BLZF1: variants seen among roughly 807,000 people sequenced by gnomAD.
BLZF1 encodes basic leucine zipper nuclear factor 1.
BLZF1 carries 39 observed loss-of-function variants against 43.8 expected under a neutral mutation model. That is an observed-to-expected ratio of 0.89 (90% CI 0.69 to 1.16). The LOEUF is 1.16. BLZF1 is among the 50% of genes most tolerant of loss of function. BLZF1 has a pLI of 0.00. For synonymous variants in BLZF1, 136 were observed against 159.4 expected (o/e 0.85, Z 1.11); for missense variants, 449 against 469.8 (o/e 0.96, Z 0.41).
chr1:169,368,554 C>G (rs1653984893), intron 1 of BLZF1, among the ~76,000 whole-genome samples: 1 of 152,202 alleles, frequency 6.6e-6, no homozygotes, highest in East Asian at 1.9e-4. Context: ...CTGCTCACTC[C>G]CCCTACTTAC....
chr1:169,369,629 A>C, intron 2 of BLZF1, 79 bp downstream of exon 2: 2 of 1,052,776 alleles, frequency 1.9e-6, no homozygotes, highest in Non-Finnish European at 2.9e-6. Context: ...AGATAACTAG[A>C]TCTCATGGAC....
Position 169,388,052 on chromosome 1 carries a change from TA to T in BLZF1, c.*871del. 6.6e-6 allele frequency: 1 copy of T among 152,256 alleles called. No individual in the cohort carries two copies. Among genetic ancestry groups the T allele is most frequent in the Non-Finnish European group, 1.5e-5 (1 of 68,020 alleles). The allele number at this position is 152,256 out of a possible 1,614,324, so 9.4% of individuals were successfully genotyped here. ...AGAAAAAATGCAACCTGTCAATTAA[TA>T]TATACTATGTAATATATATTATTGT... On this transcript the variant is annotated 3_prime_UTR_variant, in exon 7 of 7. Transcript: ENST00000367808.
intron 2 of BLZF1, 68 bp downstream of exon 2, chr1:169,369,618 C>T: frequency 8.0e-7 from 1 of 1,242,496 alleles, no homozygotes; most frequent in Non-Finnish European, 1.2e-6. Flanking sequence ...ACGTTTGAGC[C>T]AGATAACTAG....
rs1654283373 is a variant in BLZF1 at position 169,375,418 on chromosome 1, A to ATG, written c.29-1121_29-1120insGT. The stretch of plus-strand genomic sequence containing the variant: ...CATATATATATATATATATATATAT[A>ATG]TATATATATATATGGTCTGGCTGGA... On this transcript the variant is annotated intron_variant, in intron 2 of 6. Transcript: ENST00000367808. 6.2e-5 allele frequency among the ~76,000 whole-genome samples: 7 copies of ATG among 112,112 alleles called. No individual in the cohort carries two copies. In the South Asian group the frequency reaches 1.8e-3, roughly 29 times the overall value. The allele number at this position is 112,112 out of a possible 152,430, so 73.5% of individuals were successfully genotyped here.
downstream of BLZF1, among the ~76,000 whole-genome samples, chr1:169,389,309 AC>A (rs1259701649): frequency 3.3e-5 from 5 of 152,072 alleles, no homozygotes; most frequent in Non-Finnish European, 7.4e-5. Context: ...AAAAACAAAA[AC>A]AAAAAAAATT....
chr1:169,376,244 G>A (rs542843404), intron 2 of BLZF1, among the ~76,000 whole-genome samples: 5 of 151,998 alleles, frequency 3.3e-5, no homozygotes, highest in African/African-American at 9.6e-5. Context: ...TATGATCTCC[G>A]TTTTGCAAAT....
chr1:169,377,677 G>C (rs1323083516), intron 3 of BLZF1, among the ~76,000 whole-genome samples: 2 of 151,930 alleles, frequency 1.3e-5, no homozygotes, highest in Non-Finnish European at 2.9e-5. Context: ...ATTTCATCCA[G>C]CTATACGTGC....
At chr1:169,390,781 A>G (rs927654187), downstream of BLZF1, among the ~76,000 whole-genome samples, 3 of 152,182 alleles carry the variant, frequency 2.0e-5, no homozygotes, top group Non-Finnish European at 4.4e-5. Flanking sequence ...TTCTGTTGCA[A>G]TAGCTATTAA....
At chr1:169,382,414 G>A (rs2102016977) in intron 6 of BLZF1, 133 bp downstream of exon 6, 1 of 714,884 alleles carries the variant, frequency 1.4e-6, no homozygotes, top group East Asian at 2.7e-5. Flanking sequence ...TATTGAGTGT[G>A]TTATCTTGGA....
chr1:169,383,429 T>C (rs1054756781), intron 6 of BLZF1, among the ~76,000 whole-genome samples: 7 of 152,160 alleles, frequency 4.6e-5, no homozygotes, highest in African/African-American at 7.2e-5. Flanking sequence ...AAGAAAAATC[T>C]TCCCTCTATT....
intron 3 of BLZF1, 104 bp downstream of exon 3, chr1:169,377,083 C>G: frequency 1.1e-6 from 1 of 942,020 alleles, no homozygotes; most frequent in Non-Finnish European, 1.6e-6. Flanking sequence ...TGTCATTCAT[C>G]CTAGCTTGTC....
intron 4 of BLZF1, 47 bp from the exon 5 acceptor site, chr1:169,380,434 T>C: frequency 6.5e-7 from 1 of 1,537,036 alleles, no homozygotes; most frequent in Non-Finnish European, 8.9e-7. Context: ...TTTTTTACAC[T>C]GTATTATTGT....
chr1:169,372,836 G>T (rs550350493), intron 2 of BLZF1, among the ~76,000 whole-genome samples: 1 of 151,928 alleles, frequency 6.6e-6, no homozygotes, highest in South Asian at 2.1e-4. Flanking sequence ...TAGAGCAAGG[G>T]TTGGCAAATT....
intron 2 of BLZF1, among the ~76,000 whole-genome samples, chr1:169,376,207 C>T (rs775183208): frequency 6.6e-6 from 1 of 152,100 alleles, no homozygotes; most frequent in East Asian, 1.9e-4. Flanking sequence ...TACATTTTTT[C>T]TTACCAAAAT....
chr1:169,393,988 C>A (rs1190760069), intron 7 of BLZF1, among the ~76,000 whole-genome samples: 10 of 152,186 alleles, frequency 6.6e-5, no homozygotes, highest in Admixed American at 5.2e-4. Flanking sequence ...TGTCCTTCAC[C>A]CCTTACATGC....
intron 7 of BLZF1, chr1:169,395,228 G>A: frequency 6.3e-7 from 1 of 1,598,800 alleles, no homozygotes. Context: ...GGCATGATCA[G>A]ATTTGGTGAG....
rs1404179784 is a variant in BLZF1 at position 169,382,256 on chromosome 1, C to T, written c.992C>T (p.Thr331Ile). 6.2e-7 allele frequency: 1 copy of T among 1,613,520 alleles called. No individual in the cohort carries two copies. The highest frequency in any genetic ancestry group is 8.5e-7 in the Non-Finnish European group (1 of 1,179,596). The change falls in exon 6 of 7, where the codon ACC becomes ATC. Residue 331 changes from threonine to isoleucine, a missense_variant. Thr to Ile is a moderately conservative substitution (Grantham distance 89). Coordinates refer to ENST00000367808, the MANE Select transcript of BLZF1 (RefSeq NM_001320973.2). ...CCATCAACAGTTGAATTCTGCAGCA[C>T]CCCAGCTGAGAAAATGGCTGAAACG... ...KIPSTVEFCS[T>I]PAEKMAETVL...
chr1:169,380,589 A>T lies in BLZF1; in HGVS notation c.777A>T (p.Gln259His), dbSNP rs1417594799. 6.2e-7 allele frequency: 1 copy of T among 1,612,696 alleles called. No individual in the cohort carries two copies. The highest frequency in any genetic ancestry group is 1.7e-5 in the Admixed American group (1 of 59,952). Residue 259 changes from glutamine (Q) to histidine (H), a missense_variant, in exon 5 of 7, where the codon CAA becomes CAT. Gln to His is a conservative substitution (Grantham distance 24, BLOSUM62 0). Coordinates refer to ENST00000367808, the MANE Select transcript of BLZF1 (RefSeq NM_001320973.2). Reference protein sequence around the residue: ...DLLSEREQFRQEMIATQKLLE... With the variant: ...DLLSEREQFRHEMIATQKLLE... ...TAAGTGAACGGGAACAGTTTCGTCA[A>T]GAAATGATAGCTACCCAGAAGTATG... is the stretch of plus-strand genomic sequence containing the variant.
At chr1:169,395,001 C>A in intron 7 of BLZF1, 2 of 1,513,460 alleles carry the variant, frequency 1.3e-6, no homozygotes, top group Non-Finnish European at 1.8e-6. Context: ...AAATCATATC[C>A]AAAATTTTGA....
Sources: gnomAD v4.1 joint callset for allele counts (sites outside exome capture counted in the v4.1 genomes callset) on GRCh38, gnomAD v4.1.1 for gene constraint, MANE v1.5 for transcripts, NCBI Gene and HGNC (gene_info 2026-07-23, HGNC 2026-07-21) for gene names.